Variants in NRXN3 observed in about 807,000 individuals in gnomAD.
The protein encoded by NRXN3 is neurexin III.
Under a neutral mutation model 137.6 loss-of-function variants are expected in NRXN3, and 32 were observed. That is an observed-to-expected ratio of 0.23 (90% CI 0.18 to 0.31). The LOEUF (loss-of-function observed/expected upper bound fraction) is 0.31, where lower values mean the gene tolerates loss of function less well. NRXN3 is among the 10% of genes least tolerant of loss of function. The pLI, the probability that NRXN3 is intolerant of heterozygous loss-of-function variation, is 1.00. For missense variants in NRXN3, 1,574 were observed against 2,062.5 expected (o/e 0.76, Z 4.59); for synonymous variants, 798 against 784.5 (o/e 1.02, Z -0.29).
At chr14:79,155,495 T>G (rs930165524) in intron 15 of NRXN3, among the ~76,000 whole-genome samples, 2 of 151,960 alleles carry the variant, frequency 1.3e-5, no homozygotes, top group Non-Finnish European at 2.9e-5. Flanking sequence ...TGTTATTTAC[T>G]TAATAGTCTT....
chr14:78,238,288 C>T (rs2066607981), intron 1 of NRXN3, among the ~76,000 whole-genome samples: 1 of 152,200 alleles, frequency 6.6e-6, no homozygotes, highest in Non-Finnish European at 1.5e-5. Flanking sequence ...CCCTCTCTCG[C>T]TTGATTCCCA....
At chr14:79,853,588 A>G in intron 20 of NRXN3, 3 of 1,351,708 alleles carry the variant, frequency 2.2e-6, no homozygotes, top group Non-Finnish European at 2.9e-6. Flanking sequence ...TTACATGGAC[A>G]TGGCGACTCA....
chr14:79,774,096 C>T lies in NRXN3; in HGVS notation c.4015-31016C>T, dbSNP rs542566986. On this transcript the variant is annotated intron_variant, in intron 19 of 20. Transcript: ENST00000335750. ...TAGAGGATTGGGGAAAGAGAAACCC[C>T]CGAATAACTGTACGTGATTTATGAT... Among the ~76,000 whole-genome samples the T allele has an allele frequency of 2.0e-5, 3 of 152,140 alleles. No individual in the cohort carries two copies. The South Asian group carries it at 6.2e-4, about 32-fold the overall frequency.
intron 7 of NRXN3, among the ~76,000 whole-genome samples, chr14:78,712,907 ATC>A (rs540304711): frequency 1.3e-5 from 2 of 152,298 alleles, no homozygotes; most frequent in South Asian, 4.1e-4. Context: ...ATCACGTCTG[ATC>A]TTCGCAGCCC....
intron 4 of NRXN3, among the ~76,000 whole-genome samples, chr14:78,414,934 G>A (rs1290456195): frequency 6.6e-6 from 1 of 152,180 alleles, no homozygotes; most frequent in Non-Finnish European, 1.5e-5. Context: ...ACATGCTGGA[G>A]ACAGGATTTG....
At chr14:79,050,974 T>G (rs1239629487) in intron 15 of NRXN3, among the ~76,000 whole-genome samples, 1 of 152,206 alleles carries the variant, frequency 6.6e-6, no homozygotes, top group Non-Finnish European at 1.5e-5. Context: ...CAGAACTCCT[T>G]TGAATATTTT....
intron 15 of NRXN3, among the ~76,000 whole-genome samples, chr14:79,050,301 G>A (rs544268409): frequency 6.6e-6 from 1 of 152,226 alleles, no homozygotes; most frequent in South Asian, 2.1e-4. Context: ...CATCATAAAT[G>A]GTAATGTCCT....
At chr14:79,010,798 A>G (rs111889835) in intron 15 of NRXN3, among the ~76,000 whole-genome samples, 25 of 152,300 alleles carry the variant, frequency 1.6e-4, no homozygotes, top group African/African-American at 5.8e-4. Flanking sequence ...CTGGAATGTA[A>G]GAATTGAGGT....
In NRXN3 at chr14:79,105,137, A is replaced by G. The variant is rs539923052; in HGVS notation, c.3262+116996A>G. Among the ~76,000 whole-genome samples the G allele has an allele frequency of 8.5e-5, 13 of 152,280 alleles. No homozygotes were observed. In the South Asian group the frequency reaches 2.7e-3, roughly 32 times the overall value. On this transcript the variant is annotated intron_variant, in intron 15 of 20. Transcript: ENST00000335750. ...GACACTTCTCAGGTTTGTGATTTTA[A>G]TTATAACAAAAACTGGATGAAAAGA...
At chr14:79,101,945 AT>A (rs940736397) in intron 15 of NRXN3, among the ~76,000 whole-genome samples, 30 of 152,256 alleles carry the variant, frequency 2.0e-4, no homozygotes, top group African/African-American at 6.7e-4. Flanking sequence ...ACAGGGAAAA[AT>A]GCCACGTGAA....
rs372937390 is a variant in NRXN3, at chr14:78,243,762, C to T, written c.669C>T (p.Asp223=). 1.3e-6 allele frequency: 2 copies of T among 1,596,024 alleles called. No homozygotes were observed. Among genetic ancestry groups the T allele is most frequent in the African/African-American group, 2.7e-5 (2 of 75,002 alleles). ...TCCTGGACGGCCACCCCACCTGTGA[C>T]TGTTCTACCACTGGCTATGGTGGCA... ...CFLLDGHPTC[D]CSTTGYGGKL... Residue 223 remains aspartate (D), a synonymous_variant, in exon 2 of 21, where the codon GAC becomes GAT. Coordinates refer to ENST00000335750, the MANE Select transcript of NRXN3 (RefSeq NM_001330195.2). The surrounding 1 kb of genome is among the most constrained non-coding windows in gnomAD (Gnocchi z 4.2).
intron 17 of NRXN3, among the ~76,000 whole-genome samples, chr14:79,677,078 T>G (rs73329947): frequency 0.025 from 3,733 of 152,190 alleles, 164 homozygotes; most frequent in African/African-American, 0.085. Context: ...CTATAAATAC[T>G]TTTATAACAA....
At chr14:79,157,366 G>A (rs148802180) in intron 15 of NRXN3, among the ~76,000 whole-genome samples, 22 of 151,848 alleles carry the variant, frequency 1.4e-4, no homozygotes, top group African/African-American at 4.6e-4. Context: ...AAGCTGTCGG[G>A]AGTCTTACCA....
At chr14:78,429,246 T>TATATATATATA (rs59488018) in intron 4 of NRXN3, among the ~76,000 whole-genome samples, 265 of 151,276 alleles carry the variant, frequency 1.8e-3, no homozygotes, top group African/African-American at 5.6e-3. Flanking sequence ...ATATATATAT[T>TATATATATATA]TTTTGTATAT....
chr14:79,792,809 T>C (rs2140321809), intron 19 of NRXN3, among the ~76,000 whole-genome samples: 1 of 152,322 alleles, frequency 6.6e-6, no homozygotes, highest in East Asian at 1.9e-4. Flanking sequence ...GCAAAGGTTC[T>C]TGATTCCCTG....
intron 4 of NRXN3, among the ~76,000 whole-genome samples, chr14:78,343,648 A>C (rs1469488249): frequency 1.3e-5 from 2 of 152,174 alleles, no homozygotes; most frequent in African/African-American, 4.8e-5. Context: ...GCTAAGGCTT[A>C]AATTCAGTCT....
At chr14:79,238,282 TATAAATACTTAGATTAGTTACATGCCC>T (rs2073749068) in intron 15 of NRXN3, among the ~76,000 whole-genome samples, 1 of 123,384 alleles carries the variant, frequency 8.1e-6, no homozygotes, top group Non-Finnish European at 1.7e-5. Flanking sequence ...ATATTGCGTG[TATAAATACTTAGATTAGTTACATGCCC>T]ACAATATTAA....
intron 10 of NRXN3, among the ~76,000 whole-genome samples, chr14:78,867,744 A>G (rs961076235): frequency 6.6e-6 from 1 of 152,146 alleles, no homozygotes; most frequent in Non-Finnish European, 1.5e-5. Context: ...CCCCCAGTTT[A>G]TTAACATTAG....
chr14:79,065,279 G>A (rs2099679366), intron 15 of NRXN3, among the ~76,000 whole-genome samples: 2 of 151,976 alleles, frequency 1.3e-5, no homozygotes, highest in Admixed American at 1.3e-4. Context: ...TCTGAAAGAG[G>A]GATAAGATTT....
Sources: gnomAD v4.1 joint callset for allele counts (sites outside exome capture counted in the v4.1 genomes callset) on GRCh38, gnomAD v4.1.1 for gene constraint, Gnocchi (gnomAD v3.1) non-coding constraint, MANE v1.5 for transcripts, NCBI Gene and HGNC (gene_info 2026-07-23, HGNC 2026-07-21) for gene names.